The following RNF130 variants were observed in gnomAD, a reference collection of about 807,000 sequenced individuals.
The protein encoded by RNF130 is ring finger protein 130.
RNF130 carries 21 observed loss-of-function variants against 44.6 expected under a neutral mutation model. That is an observed-to-expected ratio of 0.47 (90% CI 0.33 to 0.68). The LOEUF (loss-of-function observed/expected upper bound fraction) is 0.68. RNF130 is among the 30% of genes least tolerant of loss of function. The probability of loss-of-function intolerance (pLI) is 0.02; values close to 1 mark genes in which losing one functional copy is unlikely to be tolerated. For missense variants in RNF130, 479 were observed against 560.6 expected, an observed-to-expected ratio of 0.85 and a Z score of 1.47; for synonymous variants, 214 against 210.4, an observed-to-expected ratio of 1.02 and a Z score of -0.15.
chr5:179,981,842 C>T (rs1762848205), intron 3 of RNF130, among the ~76,000 whole-genome samples: 1 of 152,170 alleles, frequency 6.6e-6, no homozygotes, highest in African/African-American at 2.4e-5. Flanking sequence ...TCTATGAGTC[C>T]CTTCTGTCAC....
intron 7 of RNF130, among the ~76,000 whole-genome samples, chr5:179,920,896 C>T (rs534250884): frequency 6.6e-5 from 10 of 151,520 alleles, no homozygotes; most frequent in East Asian, 3.9e-4. Flanking sequence ...TTGATCCTTC[C>T]GAATTTTTTT....
At chr5:179,972,233 G>A (rs915441531) in intron 5 of RNF130, among the ~76,000 whole-genome samples, 3 of 152,180 alleles carry the variant, frequency 2.0e-5, no homozygotes, top group Admixed American at 2.0e-4. Context: ...GACCACAACA[G>A]GCTTAACCCT....
At chr5:179,964,924 C>G (rs1044726934) in intron 7 of RNF130, among the ~76,000 whole-genome samples, 3 of 152,150 alleles carry the variant, frequency 2.0e-5, no homozygotes, top group African/African-American at 7.2e-5. Flanking sequence ...TAAAACCCAC[C>G]ATTTTTACCT....
chr5:180,066,332 C>T (rs1765106936), intron 1 of RNF130, among the ~76,000 whole-genome samples: 1 of 152,152 alleles, frequency 6.6e-6, no homozygotes, highest in Admixed American at 6.5e-5. Context: ...CTTCTGCCAC[C>T]CACCATGATT....
chr5:179,981,668 G>T (rs1762844571), intron 3 of RNF130, among the ~76,000 whole-genome samples: 1 of 152,148 alleles, frequency 6.6e-6, no homozygotes, highest in African/African-American at 2.4e-5. Flanking sequence ...AGATGCCACT[G>T]TCTTTCCTAA....
chr5:179,937,866 T>TA (rs923288893), intron 7 of RNF130, among the ~76,000 whole-genome samples: 7 of 148,244 alleles, frequency 4.7e-5, no homozygotes, highest in East Asian at 2.0e-4. Context: ...TATTCAGCCA[T>TA]AAAAAAAATG....
intron 7 of RNF130, among the ~76,000 whole-genome samples, chr5:179,928,061 GGCCACC>G (rs1196402745): frequency 6.6e-6 from 1 of 152,114 alleles, no homozygotes; most frequent in Admixed American, 6.6e-5. Flanking sequence ...TCCACTGTCT[GGCCACC>G]ACACAATTGA....
Position 180,021,793 on chromosome 5 carries a change from C to T in RNF130, c.443-8482G>A, listed in dbSNP as rs150365642. Among the ~76,000 whole-genome samples the T allele has an allele frequency of 9.0e-3, 1,371 of 152,244 alleles. 14 individuals are homozygous for T. Among genetic ancestry groups the T allele is most frequent in the Non-Finnish European group, 0.013 (905 of 68,010 alleles). On this transcript the variant is annotated intron_variant, in intron 2 of 8. Coordinates refer to ENST00000521389, the MANE Select transcript of RNF130 (RefSeq NM_018434.6). ...AAATTTATAAACATAATACAACCCC[C>T]AAATAAGGAGCTTAACACTGATGTG...
downstream of RNF130, among the ~76,000 whole-genome samples, chr5:179,953,845 T>C (rs1762162059): frequency 2.0e-5 from 3 of 152,170 alleles, no homozygotes; most frequent in South Asian, 6.2e-4. Flanking sequence ...TGAGAAAATA[T>C]TTGCAAATGA....
At chr5:179,934,791 G>A (rs1761865375) in intron 7 of RNF130, among the ~76,000 whole-genome samples, 1 of 152,068 alleles carries the variant, frequency 6.6e-6, no homozygotes, top group South Asian at 2.1e-4. Flanking sequence ...GATCCTCCAT[G>A]CCTCAGCCTC....
chr5:180,054,212 A>G (rs1764752329), intron 1 of RNF130, among the ~76,000 whole-genome samples: 2 of 152,162 alleles, frequency 1.3e-5, no homozygotes, highest in Non-Finnish European at 2.9e-5. Context: ...TGGTTTCTTC[A>G]ATTAATCACT....
At chr5:180,060,625 T>C (rs1425788498) in intron 1 of RNF130, among the ~76,000 whole-genome samples, 1 of 152,288 alleles carries the variant, frequency 6.6e-6, no homozygotes, top group South Asian at 2.1e-4. Context: ...GATTCTTAAC[T>C]TGGGGCTTCA....
chr5:180,057,012 T>TA (rs965778405), intron 1 of RNF130, among the ~76,000 whole-genome samples: 2 of 152,260 alleles, frequency 1.3e-5, no homozygotes, highest in Non-Finnish European at 1.5e-5. Context: ...AACACGTTAG[T>TA]AATTTCCTGA....
chr5:180,017,036 T>C (rs989367966), intron 2 of RNF130, among the ~76,000 whole-genome samples: 2 of 152,314 alleles, frequency 1.3e-5, no homozygotes, highest in Admixed American at 6.5e-5. Flanking sequence ...TAGTTTTGTG[T>C]CCAGGATTCA....
intron 7 of RNF130, among the ~76,000 whole-genome samples, chr5:179,931,769 T>G (rs1432802243): frequency 8.4e-6 from 1 of 118,614 alleles, no homozygotes; most frequent in Non-Finnish European, 1.6e-5. Flanking sequence ...AGCCAGACTC[T>G]GTCTTAAAAC....
rs115638019 is a variant in RNF130, at chr5:180,025,256, C to T, written c.443-11945G>A. ...TGAACTTCTATCAGTTAAGAACATC[C>T]TCCGTCCTGGAACCTAGGAAACTGA... On this transcript the variant is annotated intron_variant, in intron 2 of 8. Coordinates refer to ENST00000521389, the MANE Select transcript of RNF130 (RefSeq NM_018434.6). Among the ~76,000 whole-genome samples, 685 of 152,354 alleles carry T rather than the reference C, an allele frequency of 4.5e-3. 7 individuals carry two copies. The highest frequency in any genetic ancestry group is 0.016 in the African/African-American group (653 of 41,590).
intron 7 of RNF130, among the ~76,000 whole-genome samples, chr5:179,927,144 C>T (rs1761718671): frequency 6.6e-6 from 1 of 152,226 alleles, no homozygotes; most frequent in South Asian, 2.1e-4. Context: ...GAAAATGGGT[C>T]AGAACTTAAG....
At position 180,071,463 on chromosome 5, in the gene RNF130, G is replaced by A. The variant is rs1765262280; in HGVS notation, c.240C>T (p.Leu80=). The A allele has an allele frequency of 8.0e-7, 1 of 1,244,128 alleles. No homozygotes were observed. The highest frequency in any genetic ancestry group is 3.2e-5 in the East Asian group (1 of 31,632). The allele number at this position is 1,244,128 out of a possible 1,614,324, so 77.1% of individuals were successfully genotyped here. A position where few individuals can be genotyped will look rare whatever the true frequency, so the allele number is the denominator to read the frequency against. The change falls in exon 1 of 9, where the codon CTC becomes CTT. Residue 80 remains leucine (L), a synonymous_variant. Coordinates refer to ENST00000521389, the MANE Select transcript of RNF130 (RefSeq NM_018434.6). The part of the protein sequence containing the change: ...VRGQVLAPLP[L]HGVADHLGCD... Reference sequence around the variant, plus strand: ...CCCCGGGCCGGCACTCACCTCCGTGGAGGGGCAGCGGCGCCAGCACCTGGC... The same window carrying A: ...CCCCGGGCCGGCACTCACCTCCGTGAAGGGGCAGCGGCGCCAGCACCTGGC...
At chr5:180,017,412 T>G (rs1039123692) in intron 2 of RNF130, among the ~76,000 whole-genome samples, 1 of 152,182 alleles carries the variant, frequency 6.6e-6, no homozygotes, top group Non-Finnish European at 1.5e-5. Flanking sequence ...TAATAAGCAA[T>G]CTGTGGGCTG....
Sources: gnomAD v4.1 joint callset for allele counts (sites outside exome capture counted in the v4.1 genomes callset) on GRCh38, gnomAD v4.1.1 for gene constraint, MANE v1.5 for transcripts, NCBI Gene and HGNC (gene_info 2026-07-23, HGNC 2026-07-21) for gene names.